Variants in CALD1 observed in about 807,000 individuals in gnomAD.
The protein encoded by CALD1 is caldesmon.
In CALD1, 33 loss-of-function variants were observed where a neutral mutation model predicts 99.9. That is an observed-to-expected ratio of 0.33 (90% CI 0.25 to 0.44). The LOEUF is 0.44. Among genes scored for constraint, CALD1 ranks in the 20% least tolerant of loss-of-function variants. The probability of loss-of-function intolerance (pLI) is 1.00; values close to 1 mark genes in which losing one functional copy is unlikely to be tolerated. For synonymous variants in CALD1, 310 were observed against 325.0 expected (o/e 0.95, Z 0.50); for missense variants, 861 against 962.1 (o/e 0.89, Z 1.39).
chr7:134,888,642 C>T (rs1447952077), intron 3 of CALD1, among the ~76,000 whole-genome samples: 1 of 152,158 alleles, frequency 6.6e-6, no homozygotes, highest in Non-Finnish European at 1.5e-5. Context: ...TGTTCTTCCT[C>T]TTCCCAGAGA....
chr7:134,820,673 T>A (rs1245138531), intron 1 of CALD1, among the ~76,000 whole-genome samples: 1 of 152,168 alleles, frequency 6.6e-6, no homozygotes, highest in East Asian at 1.9e-4. Context: ...AAAATTAATC[T>A]CTTTTAAAAT....
chr7:134,745,197 TC>T (rs879686104), intron 1 of CALD1, among the ~76,000 whole-genome samples: 18 of 152,208 alleles, frequency 1.2e-4, no homozygotes, highest in Admixed American at 4.6e-4. Context: ...AAATTAAAAC[TC>T]CATTTAAAAA....
chr7:134,806,107 G>A (rs949153062), intron 1 of CALD1, among the ~76,000 whole-genome samples: 3 of 152,166 alleles, frequency 2.0e-5, no homozygotes, highest in Non-Finnish European at 2.9e-5. Flanking sequence ...TAAGCAAAGG[G>A]TCAACATTCT....
intron 2 of CALD1, among the ~76,000 whole-genome samples, chr7:134,851,032 T>G (rs979856749): frequency 1.1e-4 from 16 of 152,184 alleles, no homozygotes; most frequent in African/African-American, 3.4e-4. Context: ...GGAACTGTGA[T>G]TCAATTAAAC....
intron 1 of CALD1, among the ~76,000 whole-genome samples, chr7:134,834,678 T>G (rs1799361294): frequency 6.6e-6 from 1 of 152,212 alleles, no homozygotes; most frequent in African/African-American, 2.4e-5. Flanking sequence ...AAAAGGGCCA[T>G]GTATTTGTAT....
At chr7:134,944,532 CAT>C (rs886761667) in intron 7 of CALD1, 2 of 151,160 alleles carry the variant, frequency 1.3e-5, no homozygotes, top group Non-Finnish European at 2.9e-5. Flanking sequence ...ATATAATATA[CAT>C]ATATATATTA....
chr7:134,820,975 C>T (rs1185070057), intron 1 of CALD1, among the ~76,000 whole-genome samples: 1 of 152,030 alleles, frequency 6.6e-6, no homozygotes, highest in Non-Finnish European at 1.5e-5. Flanking sequence ...AAAAATGATG[C>T]AAACTATTTA....
chr7:134,830,371 C>T (rs1182015206), intron 1 of CALD1, among the ~76,000 whole-genome samples: 1 of 151,964 alleles, frequency 6.6e-6, no homozygotes, highest in African/African-American at 2.4e-5. Flanking sequence ...TTTATCAAGG[C>T]ATCAGTCAAT....
chr7:134,864,312 A>G (rs1010251712), intron 2 of CALD1, among the ~76,000 whole-genome samples: 52 of 146,762 alleles, frequency 3.5e-4, no homozygotes, highest in African/African-American at 1.3e-3. Context: ...GCGCCATTGC[A>G]CTCCAGCCTG....
chr7:134,818,140 T>G (rs758222138), intron 1 of CALD1, among the ~76,000 whole-genome samples: 3 of 152,226 alleles, frequency 2.0e-5, no homozygotes, highest in Non-Finnish European at 4.4e-5. Context: ...TATACTGTTG[T>G]CAATTTAAAG....
intron 1 of CALD1, among the ~76,000 whole-genome samples, chr7:134,820,414 A>G (rs1798728678): frequency 6.6e-6 from 1 of 152,246 alleles, no homozygotes; most frequent in Non-Finnish European, 1.5e-5. Context: ...GGTGGAACAC[A>G]TTTAATCCAC....
intron 6 of CALD1, among the ~76,000 whole-genome samples, chr7:134,938,273 C>T (rs1446074220): frequency 2.0e-5 from 3 of 152,178 alleles, no homozygotes; most frequent in Non-Finnish European, 4.4e-5. Flanking sequence ...TATTCTGGAA[C>T]CAAATAATGC....
intron 2 of CALD1, among the ~76,000 whole-genome samples, chr7:134,854,195 T>C (rs1419008042): frequency 2.0e-5 from 3 of 152,180 alleles, no homozygotes; most frequent in Admixed American, 6.5e-5. Flanking sequence ...GTCTTTATAG[T>C]AGAATGATTT....
intron 4 of CALD1, among the ~76,000 whole-genome samples, chr7:134,932,366 T>A (rs1328361847): frequency 3.9e-5 from 6 of 152,346 alleles, no homozygotes; most frequent in Admixed American, 3.9e-4. Flanking sequence ...AGATCAGGAA[T>A]TCTAGATGAC....
At chr7:134,843,340 A>G (rs1372874508) in intron 1 of CALD1, among the ~76,000 whole-genome samples, 1 of 152,172 alleles carries the variant, frequency 6.6e-6, no homozygotes, top group Non-Finnish European at 1.5e-5. Flanking sequence ...AGCTTTAGCA[A>G]CTCTCTGGCC....
At chr7:134,903,883 G>T (rs976034711) in intron 3 of CALD1, among the ~76,000 whole-genome samples, 3 of 152,158 alleles carry the variant, frequency 2.0e-5, no homozygotes, top group Non-Finnish European at 4.4e-5. Flanking sequence ...AATACTGAAA[G>T]ATTTAAAAAT....
chr7:134,932,625 A>C (rs558325265), intron 4 of CALD1, among the ~76,000 whole-genome samples: 17 of 152,342 alleles, frequency 1.1e-4, no homozygotes, highest in African/African-American at 4.1e-4. Flanking sequence ...GCTTCACTCC[A>C]CTGGGAAACT....
intron 3 of CALD1, among the ~76,000 whole-genome samples, chr7:134,925,225 G>A (rs1804914675): frequency 6.6e-6 from 1 of 152,080 alleles, no homozygotes; most frequent in South Asian, 2.1e-4. Context: ...GCTCCACTGA[G>A]AAATCAAAGA....
chr7:134,844,711 G>A (rs565979724), intron 2 of CALD1, among the ~76,000 whole-genome samples: 30 of 152,304 alleles, frequency 2.0e-4, no homozygotes, highest in Middle Eastern at 6.8e-3. Context: ...GAGGGTAGAA[G>A]TCTGAGATCA....
Sources: allele counts gnomAD v4.1 joint callset (sites outside exome capture counted in the v4.1 genomes callset), GRCh38; gene constraint gnomAD v4.1.1; transcripts MANE v1.5; gene names NCBI Gene and HGNC (gene_info 2026-07-23, HGNC 2026-07-21).